CNKSR3: variants seen among roughly 807,000 people sequenced by gnomAD.
CNKSR3 encodes CNKSR family member 3.
In CNKSR3, 36 loss-of-function variants were observed where a neutral mutation model predicts 67.7. The observed-to-expected ratio is 0.53, with a 90% CI of 0.41 to 0.70. The LOEUF is 0.70. Ranked by LOEUF, CNKSR3 falls within the 30% of genes least tolerant of loss-of-function variation. The probability of loss-of-function intolerance (pLI) is 0.00; values close to 1 mark genes in which losing one functional copy is unlikely to be tolerated. For missense variants in CNKSR3, 630 were observed against 695.2 expected (o/e 0.91, Z 1.05); for synonymous variants, 281 against 271.4 (o/e 1.04, Z -0.35).
Position 154,443,043 on chromosome 6 carries a change from G to A in CNKSR3, c.217-753C>T, listed in dbSNP as rs183260140. The stretch of plus-strand genomic sequence containing the variant: ...CTCCTGAATAGCTGGGATTACAGGC[G>A]CGCACCACCATGCCGGGCTAATTTT... On this transcript the variant is annotated intron_variant, in intron 2 of 12. Coordinates refer to ENST00000607772, the MANE Select transcript of CNKSR3 (RefSeq NM_173515.4). Among the ~76,000 whole-genome samples, 84 of 152,116 alleles carry A rather than the reference G, an allele frequency of 5.5e-4. No individual in the cohort carries two copies. In the East Asian group the frequency reaches 9.7e-3, roughly 18 times the overall value.
rs1322953622 is a variant in CNKSR3, at chr6:154,387,627, C to G, written c.*18727G>C. ...GGTCCATGATAACCACAGATTGCTG[C>G]ATTTGTAGCCACATGAGTCATTCAA... On this transcript the variant is annotated 3_prime_UTR_variant, in exon 13 of 13. Transcript: ENST00000607772. 5 of 152,164 alleles carry G rather than the reference C, an allele frequency of 3.3e-5. No individual in the cohort carries two copies. In the East Asian group the frequency reaches 9.6e-4, roughly 29 times the overall value. 9.4% of individuals were successfully genotyped at this position (152,164 alleles called of 1,614,324 possible). A position where few individuals can be genotyped will look rare whatever the true frequency, so the allele number is the denominator to read the frequency against.
At chr6:154,507,724 C>T (rs1337423078) in intron 1 of CNKSR3, among the ~76,000 whole-genome samples, 3 of 152,108 alleles carry the variant, frequency 2.0e-5, no homozygotes, top group African/African-American at 7.2e-5. Context: ...TAGTCAAGTG[C>T]CAACCACAGG....
rs1375072852 is a variant in CNKSR3 at position 154,391,760 on chromosome 6, T to G, written c.*14594A>C. 1 of 152,200 alleles carries G rather than the reference T, an allele frequency of 6.6e-6. No individual in the cohort carries two copies. The highest frequency in any genetic ancestry group is 1.9e-4 in the East Asian group (1 of 5,194). 9.4% of individuals were successfully genotyped at this position (152,200 alleles called of 1,614,324 possible). On this transcript the variant is annotated 3_prime_UTR_variant, in exon 13 of 13. Transcript: ENST00000607772. ...TCCTTGACACCAGCTCTGTAGAGAT[T>G]TGGGCTAATGCAACTCTCTGTCACA...
At chr6:154,468,430 ACAC>A (rs965894318) in intron 1 of CNKSR3, among the ~76,000 whole-genome samples, 5 of 143,578 alleles carry the variant, frequency 3.5e-5, no homozygotes, top group South Asian at 2.1e-4. Context: ...ACACACACAC[ACAC>A]CATGACCATC....
At chr6:154,428,226 C>T (rs540937233) in intron 6 of CNKSR3, 39 bp from the exon 7 acceptor site, 18 of 1,301,656 alleles carry the variant, frequency 1.4e-5, no homozygotes, top group South Asian at 1.1e-4. Flanking sequence ...ATTACTCCAA[C>T]GTTTAGAGAC....
chr6:154,478,906 A>G (rs1242566508), intron 1 of CNKSR3, among the ~76,000 whole-genome samples: 1 of 152,226 alleles, frequency 6.6e-6, no homozygotes. Context: ...TACAGATATC[A>G]TGAGAATGCC....
intron 9 of CNKSR3, among the ~76,000 whole-genome samples, chr6:154,418,361 ACT>A (rs1181581714): frequency 6.6e-6 from 1 of 152,044 alleles, no homozygotes; most frequent in African/African-American, 2.4e-5. Flanking sequence ...TACACCTAAG[ACT>A]CTGCTCTAGG....
At chr6:154,427,419 G>A (rs1486878593) in intron 7 of CNKSR3, among the ~76,000 whole-genome samples, 2 of 152,102 alleles carry the variant, frequency 1.3e-5, no homozygotes, top group African/African-American at 2.4e-5. Flanking sequence ...ACAGACCCAG[G>A]GAAGCTATTC....
At chr6:154,416,663 C>G (rs955319022) in intron 9 of CNKSR3, among the ~76,000 whole-genome samples, 1 of 152,140 alleles carries the variant, frequency 6.6e-6, no homozygotes, top group African/African-American at 2.4e-5. Context: ...CAACTTAGAG[C>G]TCTCTTCTGA....
At chr6:154,457,797 T>C (rs1785990487) in intron 1 of CNKSR3, among the ~76,000 whole-genome samples, 1 of 152,124 alleles carries the variant, frequency 6.6e-6, no homozygotes, top group South Asian at 2.1e-4. Context: ...AGCAAAACCA[T>C]CCTGTCCTTT....
chr6:154,448,836 G>A (rs752885408), intron 2 of CNKSR3, among the ~76,000 whole-genome samples: 11 of 152,150 alleles, frequency 7.2e-5, no homozygotes, highest in African/African-American at 2.4e-4. Flanking sequence ...GCAGACCAGC[G>A]ACGGCAAAAT....
At chr6:154,494,826 C>T (rs913972328) in intron 1 of CNKSR3, among the ~76,000 whole-genome samples, 9 of 152,188 alleles carry the variant, frequency 5.9e-5, no homozygotes, top group Admixed American at 2.6e-4. Context: ...AGGGAAGTGG[C>T]TCACCCACCC....
Position 154,389,405 on chromosome 6 carries a change from T to C in CNKSR3, c.*16949A>G, listed in dbSNP as rs1224882582. 1 of 152,380 alleles carries C rather than the reference T, an allele frequency of 6.6e-6. No individual in the cohort carries two copies. Among genetic ancestry groups the C allele is most frequent in the Non-Finnish European group, 1.5e-5 (1 of 68,042 alleles). The allele number at this position is 152,380 out of a possible 1,614,324, so 9.4% of individuals were successfully genotyped here. A position where few individuals can be genotyped will look rare whatever the true frequency, so the allele number is the denominator to read the frequency against. ...GTTGAAGATCAGTTGACAATATACA[T>C]GTGAATCTATTTCTGGACTCTCTAT... is the stretch of plus-strand genomic sequence containing the variant. On this transcript the variant is annotated 3_prime_UTR_variant, in exon 13 of 13. Coordinates refer to ENST00000607772, the MANE Select transcript of CNKSR3 (RefSeq NM_173515.4).
At chr6:154,491,661 T>C (rs896113795) in intron 1 of CNKSR3, among the ~76,000 whole-genome samples, 1 of 151,390 alleles carries the variant, frequency 6.6e-6, no homozygotes, top group Non-Finnish European at 1.5e-5. Context: ...CTGATCTTCA[T>C]TTCCAAAACA....
chr6:154,433,860 C>T (rs994153302), intron 4 of CNKSR3: 4 of 175,224 alleles, frequency 2.3e-5, no homozygotes, highest in Non-Finnish European at 3.6e-5. Flanking sequence ...AGAAACCTGA[C>T]GACGGCTCCC....
rs75216905 is a variant in CNKSR3, at chr6:154,495,200, G to A, written c.52+14863C>T. Among the ~76,000 whole-genome samples the A allele has an allele frequency of 7.9e-5, 12 of 152,188 alleles. No individual in the cohort carries two copies. The East Asian group carries it at 2.3e-3, about 29-fold the overall frequency. On this transcript the variant is annotated intron_variant, in intron 1 of 12. Transcript: ENST00000607772. ...CAATTAGAATGCTGTAATAAGAGAG[G>A]GCACTGCATTTTCTTAAATGTTTGA...
intron 1 of CNKSR3, among the ~76,000 whole-genome samples, chr6:154,496,108 G>T (rs746189035): frequency 6.6e-6 from 1 of 152,160 alleles, no homozygotes. Context: ...CAGAATTTCT[G>T]GGAGTTAAAG....
rs368328707 is a variant in CNKSR3, at chr6:154,393,332, C to T, written c.*13022G>A. 4.0e-4 allele frequency: 61 copies of T among 152,324 alleles called. No individual in the cohort carries two copies. The highest frequency in any genetic ancestry group is 1.4e-3 in the African/African-American group (59 of 41,578). 9.4% of individuals were successfully genotyped at this position (152,324 alleles called of 1,614,324 possible). ...ACATAATATACCAGATCCCACTGAT[C>T]GTTCTAGGATATCCTCCAAGTATTT... is the stretch of plus-strand genomic sequence containing the variant. On this transcript the variant is annotated 3_prime_UTR_variant, in exon 13 of 13. Transcript: ENST00000607772.
At chr6:154,496,366 C>T (rs973925423) in intron 1 of CNKSR3, among the ~76,000 whole-genome samples, 10 of 151,866 alleles carry the variant, frequency 6.6e-5, no homozygotes, top group East Asian at 5.8e-4. Flanking sequence ...AAAGTGAATC[C>T]AACCTTCTCT....
Sources: allele counts gnomAD v4.1 joint callset (sites outside exome capture counted in the v4.1 genomes callset), GRCh38; gene constraint gnomAD v4.1.1; transcripts MANE v1.5; gene names NCBI Gene and HGNC (gene_info 2026-07-23, HGNC 2026-07-21).